MYO16: variants seen among roughly 807,000 people sequenced by gnomAD.
The protein encoded by MYO16 is unconventional myosin-XVI.
In MYO16, 94 loss-of-function variants were observed where a neutral mutation model predicts 205.3. That is an observed-to-expected ratio of 0.46 (90% CI 0.39 to 0.54). The LOEUF (loss-of-function observed/expected upper bound fraction) is 0.54. MYO16 is among the 20% of genes least tolerant of loss of function. MYO16 has a pLI of 0.00. For missense variants in MYO16, 2,315 were observed against 2,387.5 expected (o/e 0.97, Z 0.63); for synonymous variants, 988 against 954.0 (o/e 1.04, Z -0.66).
intron 2 of MYO16, among the ~76,000 whole-genome samples, chr13:108,677,824 T>A (rs1882297629): frequency 6.6e-6 from 1 of 152,216 alleles, no homozygotes; most frequent in East Asian, 1.9e-4. Context: ...TTTAGTTAGC[T>A]GAATGAATGC....
chr13:108,978,034 C>T (rs1884326388), intron 20 of MYO16, among the ~76,000 whole-genome samples: 1 of 151,712 alleles, frequency 6.6e-6, no homozygotes, highest in East Asian at 1.9e-4. Flanking sequence ...TCATGCACAC[C>T]TTTATTTTAT....
At chr13:109,142,456 C>G (rs924729389) in intron 32 of MYO16, among the ~76,000 whole-genome samples, 1 of 151,464 alleles carries the variant, frequency 6.6e-6, no homozygotes, top group African/African-American at 2.5e-5. Context: ...CCTTTCATGT[C>G]GACTCCCTAG....
At chr13:109,084,918 A>G (rs1888391998) in intron 27 of MYO16, among the ~76,000 whole-genome samples, 1 of 152,204 alleles carries the variant, frequency 6.6e-6, no homozygotes, top group South Asian at 2.1e-4. Context: ...GAAAGGAAGC[A>G]TCTAGACCAG....
chr13:109,147,530 C>A (rs1282409714), intron 32 of MYO16, among the ~76,000 whole-genome samples: 2 of 152,164 alleles, frequency 1.3e-5, no homozygotes, highest in Non-Finnish European at 2.9e-5. Flanking sequence ...TTATGCAAAT[C>A]TTGACATCCC....
the MYO16 span, among the ~76,000 whole-genome samples, chr13:108,540,609 T>A: frequency 6.6e-6 from 1 of 152,148 alleles, no homozygotes; most frequent in Non-Finnish European, 1.5e-5. Context: ...ATTAGAGATC[T>A]CTTTGCCACT....
At chr13:109,173,947 T>TTCG in intron 33 of MYO16, among the ~76,000 whole-genome samples, 1 of 115,184 alleles carries the variant, frequency 8.7e-6, no homozygotes, top group Non-Finnish European at 1.7e-5. Context: ...CTTGTTTTGA[T>TTCG]GGGGGGGGGT....
intron 22 of MYO16, among the ~76,000 whole-genome samples, chr13:109,018,004 GT>G (rs1885887243): frequency 6.6e-6 from 1 of 152,130 alleles, no homozygotes; most frequent in African/African-American, 2.4e-5. Context: ...GCTTTGTTCT[GT>G]TGCTGGTGAG....
chr13:109,116,371 G>A (rs1378507164), intron 28 of MYO16, among the ~76,000 whole-genome samples: 1 of 152,088 alleles, frequency 6.6e-6, no homozygotes, highest in African/African-American at 2.4e-5. Context: ...TTGGAGGACA[G>A]ATCCACCCTT....
chr13:109,181,816 A>ATTTT (rs61381548), intron 34 of MYO16, among the ~76,000 whole-genome samples: 3 of 126,256 alleles, frequency 2.4e-5, no homozygotes, highest in African/African-American at 3.5e-5. Context: ...TTATTTATTT[A>ATTTT]TTTTATTTTA....
At chr13:108,823,405 CA>C (rs1333245824) in intron 9 of MYO16, 127 bp downstream of exon 9, 1 of 765,104 alleles carries the variant, frequency 1.3e-6, no homozygotes, top group Non-Finnish European at 2.0e-6. Flanking sequence ...ATGTATATAC[CA>C]AAGAATACTT....
At chr13:108,502,257 T>G in the MYO16 span, among the ~76,000 whole-genome samples, 1 of 152,134 alleles carries the variant, frequency 6.6e-6, no homozygotes. Flanking sequence ...GTAGATTTAT[T>G]GAATTTTAAG....
At chr13:108,669,653 G>T (rs749582353) in intron 2 of MYO16, among the ~76,000 whole-genome samples, 1 of 152,068 alleles carries the variant, frequency 6.6e-6, no homozygotes, top group Non-Finnish European at 1.5e-5. Context: ...TTGTTGATGG[G>T]GTTGTTTTTT....
At chr13:109,122,291 CAA>C (rs1876026761) in intron 29 of MYO16, among the ~76,000 whole-genome samples, 1 of 151,950 alleles carries the variant, frequency 6.6e-6, no homozygotes, top group South Asian at 2.1e-4. Context: ...TTCTATTTAA[CAA>C]AGATTAAATT....
intron 28 of MYO16, among the ~76,000 whole-genome samples, chr13:109,111,148 C>A (rs1426609975): frequency 6.6e-6 from 1 of 152,136 alleles, no homozygotes; most frequent in Non-Finnish European, 1.5e-5. Flanking sequence ...AGGTAAAGGC[C>A]TTTTCATGGC....
intron 32 of MYO16, among the ~76,000 whole-genome samples, chr13:109,144,174 C>T (rs1424091772): frequency 1.3e-5 from 2 of 152,050 alleles, no homozygotes; most frequent in African/African-American, 4.8e-5. Context: ...ACTACCATGC[C>T]TGGCTAATTT....
chr13:109,140,292 C>T lies in MYO16; in HGVS notation c.4080C>T (p.Asp1360=). The T allele has an allele frequency of 6.2e-7, 1 of 1,601,232 alleles. No individual in the cohort carries two copies. The part of the protein sequence containing the change: ...EALARPRPHS[D]DYSTMKKIPP... ...TGGCCCGGCCCAGACCGCACAGCGA[C>T]GACTACAGCACCATGAAGAAGATTC... Residue 1360 remains aspartate, a synonymous_variant, in exon 32 of 35, where the codon GAC becomes GAT. Coordinates refer to ENST00000457511, the MANE Select transcript of MYO16 (RefSeq NM_001198950.3). This position sits in a 1 kb window ranked among gnomAD's most constrained non-coding sequence, Gnocchi z 8.0.
intron 9 of MYO16, among the ~76,000 whole-genome samples, chr13:108,838,207 C>T (rs1206654466): frequency 6.6e-6 from 1 of 151,776 alleles, no homozygotes; most frequent in Non-Finnish European, 1.5e-5. Flanking sequence ...ATAAAACAAA[C>T]AGACATTATA....
At chr13:108,538,098 AAG>A in the MYO16 span, among the ~76,000 whole-genome samples, 3 of 152,110 alleles carry the variant, frequency 2.0e-5, no homozygotes, top group Non-Finnish European at 4.4e-5. Context: ...CAATGTCCAG[AAG>A]AGTTTTTTCT....
chr13:108,608,365 C>G (rs948419219), intron 1 of MYO16, among the ~76,000 whole-genome samples: 2 of 152,140 alleles, frequency 1.3e-5, no homozygotes, highest in Non-Finnish European at 2.9e-5. Context: ...CCATGCTGCA[C>G]GCTCTGCCTA....
Sources: gnomAD v4.1 joint callset for allele counts (sites outside exome capture counted in the v4.1 genomes callset) on GRCh38, gnomAD v4.1.1 for gene constraint, Gnocchi (gnomAD v3.1) non-coding constraint, MANE v1.5 for transcripts, NCBI Gene and HGNC (gene_info 2026-07-23, HGNC 2026-07-21) for gene names.